UQCC1: variants seen among roughly 807,000 people sequenced by gnomAD.
The protein encoded by UQCC1 is bFGF-repressed Zic-binding protein.
Under a neutral mutation model 48.0 loss-of-function variants are expected in UQCC1, and 38 were observed. The ratio of observed to expected loss-of-function variants is 0.79; its 90% CI spans 0.61 to 1.04. The LOEUF is 1.04. UQCC1 is among the 50% of genes least tolerant of loss of function. The probability of loss-of-function intolerance (pLI) is 0.00; values close to 1 mark genes in which losing one functional copy is unlikely to be tolerated. For missense variants in UQCC1, 368 were observed against 381.8 expected (o/e 0.96, Z 0.30); for synonymous variants, 111 against 129.2 (o/e 0.86, Z 0.95).
At chr20:35,327,476 T>C (rs919244949) in intron 7 of UQCC1, among the ~76,000 whole-genome samples, 2 of 152,226 alleles carry the variant, frequency 1.3e-5, no homozygotes, top group African/African-American at 4.8e-5. Context: ...GGCTAATAAA[T>C]GGTCAAGAGG....
chr20:35,356,445 A>G (rs1474480755), intron 6 of UQCC1, among the ~76,000 whole-genome samples: 1 of 105,980 alleles, frequency 9.4e-6, no homozygotes, highest in East Asian at 4.0e-4. Context: ...AGGAAGAAAG[A>G]AAGAAAAAAA....
intron 7 of UQCC1, chr20:35,346,880 C>G: frequency 9.8e-7 from 1 of 1,022,952 alleles, no homozygotes; most frequent in East Asian, 2.6e-5. Context: ...CTCCATTCAC[C>G]AAATCCATCC....
chr20:35,385,474 G>T (rs370317949), intron 2 of UQCC1, among the ~76,000 whole-genome samples: 7 of 152,214 alleles, frequency 4.6e-5, no homozygotes, highest in African/African-American at 1.7e-4. Context: ...ATCCATTGAG[G>T]GTTTTTTGTT....
chr20:35,339,441 G>A (rs2061354096), intron 7 of UQCC1, among the ~76,000 whole-genome samples: 1 of 152,160 alleles, frequency 6.6e-6, no homozygotes, highest in Non-Finnish European at 1.5e-5. Flanking sequence ...ATAGTGCCAT[G>A]AGCAGACAGG....
At chr20:35,358,106 C>T (rs1320016052) in intron 6 of UQCC1, among the ~76,000 whole-genome samples, 1 of 152,112 alleles carries the variant, frequency 6.6e-6, no homozygotes, top group African/African-American at 2.4e-5. Flanking sequence ...GTAATCCCAG[C>T]ACTTTGGGAG....
Position 35,303,943 on chromosome 20 carries a change from C to T in UQCC1, c.892G>A (p.Gly298Arg). 1 of 1,614,204 alleles carries T rather than the reference C, an allele frequency of 6.2e-7. No homozygotes were observed. Among genetic ancestry groups the T allele is most frequent in the Non-Finnish European group, 8.5e-7 (1 of 1,180,030 alleles). ...GCGGAGGGCCCAGCCCATCAAAGTC[C>T]CTCGTCGTTGTAAGTCGGAGAATGG... Reference protein sequence around the residue: ...KPHSPTYNDEGL With the variant: ...KPHSPTYNDERL The change falls in exon 10 of 10, where the codon GGA becomes AGA. Residue 298 changes from glycine to arginine, a missense_variant. Gly to Arg is a moderately radical substitution (Grantham distance 125). Coordinates refer to ENST00000374385, the MANE Select transcript of UQCC1 (RefSeq NM_018244.5).
chr20:35,402,830 C>T (rs959357149), intron 1 of UQCC1, among the ~76,000 whole-genome samples: 11 of 151,528 alleles, frequency 7.3e-5, no homozygotes, highest in African/African-American at 2.7e-4. Context: ...CTTTGGGAGG[C>T]CGAGGCAGGC....
At chr20:35,404,607 G>GAAAA (rs2062222565) in intron 1 of UQCC1, among the ~76,000 whole-genome samples, 4 of 147,488 alleles carry the variant, frequency 2.7e-5, no homozygotes, top group Admixed American at 1.4e-4. Context: ...CATGGCACAT[G>GAAAA]TATACATATG....
chr20:35,340,520 C>T (rs2061365597), intron 7 of UQCC1, among the ~76,000 whole-genome samples: 2 of 152,150 alleles, frequency 1.3e-5, no homozygotes, highest in Admixed American at 1.3e-4. Context: ...ACTTTTTTCC[C>T]CCCACCCAAG....
chr20:35,355,766 T>C (rs1333193089), intron 6 of UQCC1, among the ~76,000 whole-genome samples: 1 of 152,202 alleles, frequency 6.6e-6, no homozygotes, highest in East Asian at 1.9e-4. Context: ...TACTAGTTTC[T>C]TAGGAATCCT....
chr20:35,386,294 G>A (rs182983045), intron 2 of UQCC1: 5 of 454,676 alleles, frequency 1.1e-5, no homozygotes, highest in Admixed American at 7.1e-5. Flanking sequence ...ATAAAAAAGG[G>A]TGAGAGGGAG....
At chr20:35,315,317 G>A (rs983310661) in intron 7 of UQCC1, 1 of 152,988 alleles carries the variant, frequency 6.5e-6, no homozygotes, top group African/African-American at 2.4e-5. Context: ...AAGGTGCAGA[G>A]GCTGGAAAGA....
chr20:35,362,425 C>T (rs552153738), intron 6 of UQCC1, among the ~76,000 whole-genome samples: 4 of 152,300 alleles, frequency 2.6e-5, no homozygotes, highest in South Asian at 4.1e-4. Flanking sequence ...GGCGCCATCT[C>T]GGCTCACAGC....
At chr20:35,306,888 C>T (rs1485878291) in intron 8 of UQCC1, 109 bp from the exon 9 acceptor site, 2 of 848,974 alleles carry the variant, frequency 2.4e-6, no homozygotes, top group East Asian at 5.1e-5. Flanking sequence ...CTCAGAAGGG[C>T]CCTCCACGCA....
At chr20:35,385,883 CA>C (rs2061936726) in intron 2 of UQCC1, among the ~76,000 whole-genome samples, 1 of 146,352 alleles carries the variant, frequency 6.8e-6, no homozygotes, top group African/African-American at 2.5e-5. Context: ...AGGCTCATAG[CA>C]AAACTTCCTG....
intron 5 of UQCC1, among the ~76,000 whole-genome samples, chr20:35,367,211 C>T (rs1228400701): frequency 2.0e-5 from 3 of 152,084 alleles, no homozygotes; most frequent in Non-Finnish European, 2.9e-5. Flanking sequence ...CACTTCTCCC[C>T]TTTGAGTCTT....
At chr20:35,388,472 CT>C (rs1457308110) in intron 2 of UQCC1, among the ~76,000 whole-genome samples, 13 of 151,592 alleles carry the variant, frequency 8.6e-5, no homozygotes, top group Non-Finnish European at 1.9e-4. Context: ...GAGATAGGGT[CT>C]TGCTATGTTA....
intron 8 of UQCC1, among the ~76,000 whole-genome samples, chr20:35,307,249 G>A (rs1222314694): frequency 6.6e-6 from 1 of 152,182 alleles, no homozygotes; most frequent in Non-Finnish European, 1.5e-5. Flanking sequence ...TTGGTCCAAG[G>A]ACCAAGGCAA....
rs182978729 is a variant in UQCC1 at position 35,363,258 on chromosome 20, G to A, written c.464+3299C>T. Among the ~76,000 whole-genome samples the A allele has an allele frequency of 4.5e-3, 689 of 152,262 alleles. 2 individuals carry two copies. The highest frequency in any genetic ancestry group is 0.014 in the Middle Eastern group (4 of 294). On this transcript the variant is annotated intron_variant, in intron 6 of 9. Transcript: ENST00000374385. Reference sequence around the variant, plus strand: ...ACAAATGAGGGCTCCCAGGTTTCTGGTGTGGGCATGATGCCAGTGGCCAAG... The same window carrying A: ...ACAAATGAGGGCTCCCAGGTTTCTGATGTGGGCATGATGCCAGTGGCCAAG...
Sources: gnomAD v4.1 joint callset for allele counts (sites outside exome capture counted in the v4.1 genomes callset) on GRCh38, gnomAD v4.1.1 for gene constraint, MANE v1.5 for transcripts, NCBI Gene and HGNC (gene_info 2026-07-23, HGNC 2026-07-21) for gene names.